IGSF9: variants seen among roughly 807,000 people sequenced by gnomAD.
The protein encoded by IGSF9 is protein turtle homolog A.
A neutral mutation model predicts 121.7 loss-of-function variants in IGSF9; 87 were observed. That is an observed-to-expected ratio of 0.71 (90% CI 0.60 to 0.85). The LOEUF is 0.85. IGSF9 is among the 40% of genes least tolerant of loss of function. IGSF9 has a pLI of 0.00. For synonymous variants in IGSF9, 640 were observed against 648.4 expected (o/e 0.99, Z 0.20); for missense variants, 1,462 against 1,565.3 (o/e 0.93, Z 1.11).
intron 1 of IGSF9, among the ~76,000 whole-genome samples, chr1:159,943,833 T>C (rs948221315): frequency 3.9e-5 from 6 of 151,984 alleles, no homozygotes; most frequent in African/African-American, 1.2e-4. Flanking sequence ...TGAATGCAGA[T>C]ACTAGAAAGG....
chr1:159,943,660 T>G lies in IGSF9; in HGVS notation c.-174-32A>C, dbSNP rs1651486152. ...GAAAAGTACAAGGCAACATGCAGAG[T>G]TGGCCAATACTGGAGCCCAGAAGAA... On this transcript the variant is annotated intron_variant, in intron 1 of 20. Coordinates refer to ENST00000368094, the MANE Select transcript of IGSF9 (RefSeq NM_001135050.2). The G allele has an allele frequency of 6.9e-6, 3 of 436,600 alleles. No homozygotes were observed. The South Asian group carries it at 2.3e-4, about 33-fold the overall frequency. 27.0% of individuals were successfully genotyped at this position (436,600 alleles called of 1,614,324 possible).
intron 6 of IGSF9, among the ~76,000 whole-genome samples, chr1:159,935,663 C>T (rs1405259302): frequency 2.0e-5 from 3 of 152,234 alleles, no homozygotes; most frequent in Admixed American, 1.3e-4. Context: ...ATGCGGGACA[C>T]TGAGTGCTAA....
intron 1 of IGSF9, among the ~76,000 whole-genome samples, chr1:159,944,430 C>T (rs577819318): frequency 3.3e-5 from 5 of 152,192 alleles, no homozygotes; most frequent in Non-Finnish European, 5.9e-5. Flanking sequence ...CACTTCCTCA[C>T]GATACTGCCA....
chr1:159,928,959 G>A lies in IGSF9; in HGVS notation c.2429C>T (p.Pro810Leu), dbSNP rs1351569905. Residue 810 changes from proline to leucine, a missense_variant, in exon 19 of 21, where the codon CCA (proline) becomes CTA (leucine). Pro to Leu is a moderately conservative substitution (Grantham distance 98, BLOSUM62 -3). This residue lies in a region of IGSF9 where 808 missense variants were observed against 815.2 expected (regional missense o/e 0.99). Transcript: ENST00000368094. ...CAGACTCTGGCGCAGGCTGGGGACT[G>A]GGGATCCCTGGAGCTTCAGCTTCGC... ...SVAKLKLQGSPVPSLRQSLLW... is the reference protein window; with the variant it reads ...SVAKLKLQGSLVPSLRQSLLW... The A allele has an allele frequency of 6.5e-7, 1 of 1,526,790 alleles. No individual in the cohort carries two copies. The highest frequency in any genetic ancestry group is 1.3e-5 in the South Asian group (1 of 76,422). The allele number at this position is 1,526,790 out of a possible 1,614,324, so 94.6% of individuals were successfully genotyped here. A position where few individuals can be genotyped will look rare whatever the true frequency, so the allele number is the denominator to read the frequency against.
chr1:159,928,725 C>A lies in IGSF9; in HGVS notation c.2663G>T (p.Ser888Ile). 3.4e-6 allele frequency: 5 copies of A among 1,476,792 alleles called. No individual in the cohort carries two copies. Among genetic ancestry groups the A allele is most frequent in the Non-Finnish European group, 4.5e-6 (5 of 1,112,000 alleles). 91.5% of individuals were successfully genotyped at this position (1,476,792 alleles called of 1,614,324 possible). A position where few individuals can be genotyped will look rare whatever the true frequency, so the allele number is the denominator to read the frequency against. ...CTGGGGTGCCCCACTGGGGCTGCTG[C>A]TGCTACAGTCAAAGGACCGGGCCAG... is the stretch of plus-strand genomic sequence containing the variant. Reference protein sequence around the residue: ...QRLARSFDCSSSSPSGAPQPL... With the variant: ...QRLARSFDCSISSPSGAPQPL... Residue 888 changes from serine (S) to isoleucine (I), a missense_variant, in exon 19 of 21, where the codon AGC (serine) becomes ATC (isoleucine). Physicochemically the swap from Ser to Ile is moderately radical, Grantham distance 142. This residue lies in a region of IGSF9 where 808 missense variants were observed against 815.2 expected (regional missense o/e 0.99). Transcript: ENST00000368094.
chr1:159,936,388 C>T lies in IGSF9; in HGVS notation c.673+11G>A. On this transcript the variant is annotated intron_variant, in intron 6 of 20. Transcript: ENST00000368094. ...GTAACCCTGGACCCCAGCCCTCCCG[C>T]CAGAGAGCACCTAGCACTAGCAGCT... 1 of 1,612,164 alleles carries T rather than the reference C, an allele frequency of 6.2e-7. No homozygotes were observed. Among genetic ancestry groups the T allele is most frequent in the Non-Finnish European group, 8.5e-7 (1 of 1,178,482 alleles).
Position 159,931,515 on chromosome 1 carries a change from C to T in IGSF9, c.1451G>A (p.Trp484Ter), listed in dbSNP as rs1452120092. 1 of 1,614,184 alleles carries T rather than the reference C, an allele frequency of 6.2e-7. No individual in the cohort carries two copies. Among genetic ancestry groups the T allele is most frequent in the Non-Finnish European group, 8.5e-7 (1 of 1,180,014 alleles). Residue 484 changes from tryptophan (W) to a stop codon, truncating the protein, a stop_gained, in exon 12 of 21, where the codon TGG becomes TAG. Coordinates refer to ENST00000368094, the MANE Select transcript of IGSF9 (RefSeq NM_001135050.2). LOFTEE classifies it high-confidence loss of function. The surrounding 1 kb of genome is among the most constrained non-coding windows in gnomAD (Gnocchi z 4.8). ...CACAGCATTGCTGGCACTGCATTCC[C>T]AGTGCCCGTGGGCCTCCTTGGTCAA... ...RPLTKEAHGHWECSASNAVAR... is the reference protein window; with the variant it reads ...RPLTKEAHGH
rs779432233 is a variant in IGSF9 at position 159,929,367 on chromosome 1, C to G, written c.2353G>C (p.Gly785Arg). The change falls in exon 18 of 21, where the codon GGG (glycine) becomes CGG (arginine). Residue 785 changes from glycine to arginine, a missense_variant. Physicochemically the swap from Gly to Arg is moderately radical, Grantham distance 125 (BLOSUM62 -2). Transcript: ENST00000368094. ...QDPPLIFSPTGKSAAPSALGS... is the reference protein window; with the variant it reads ...QDPPLIFSPTRKSAAPSALGS... ...GGCACTTACGGTGCAGCTGACTTCC[C>G]GGTCGGAGAGAAGATAAGAGGTGGA... 2.5e-6 allele frequency: 4 copies of G among 1,614,084 alleles called. No homozygotes were observed. Among genetic ancestry groups the G allele is most frequent in the Non-Finnish European group, 3.4e-6 (4 of 1,179,998 alleles).
At chr1:159,927,979 G>C in intron 19 of IGSF9, 92 bp from the exon 20 acceptor site, 1 of 1,517,238 alleles carries the variant, frequency 6.6e-7, no homozygotes, top group Non-Finnish European at 8.9e-7. Flanking sequence ...GCAAACTCAC[G>C]TTAGGTCATG....
intron 18 of IGSF9, 28 bp from the exon 19 acceptor site, chr1:159,929,046 G>C: frequency 1.3e-6 from 2 of 1,511,122 alleles, no homozygotes; most frequent in Non-Finnish European, 1.8e-6. Flanking sequence ...ATCAGGGTCT[G>C]TGGTAGGGGC....
In IGSF9 at chr1:159,939,861, C is replaced by T. The variant is rs181296200; in HGVS notation, c.248-2023G>A. 4.1e-4 allele frequency among the ~76,000 whole-genome samples: 63 copies of T among 152,192 alleles called. 2 individuals carry two copies. In the East Asian group the frequency reaches 0.011, roughly 26 times the overall value. On this transcript the variant is annotated intron_variant, in intron 3 of 20. Coordinates refer to ENST00000368094, the MANE Select transcript of IGSF9 (RefSeq NM_001135050.2). ...ACCCCGGAGATAAGACTAGGCCCAG[C>T]GGGTAAATATTTAACATCATCATAC... is the stretch of plus-strand genomic sequence containing the variant.
intron 3 of IGSF9, among the ~76,000 whole-genome samples, chr1:159,940,781 T>C (rs1053973631): frequency 2.0e-5 from 3 of 152,110 alleles, no homozygotes; most frequent in Admixed American, 2.0e-4. Context: ...CTGATTTTTA[T>C]CAAACAACTC....
At chr1:159,937,443 T>C (rs2101880601) in intron 4 of IGSF9, among the ~76,000 whole-genome samples, 1 of 151,996 alleles carries the variant, frequency 6.6e-6, no homozygotes, top group South Asian at 2.1e-4. Flanking sequence ...AAGAGGGAGT[T>C]CCTGACACCG....
At chr1:159,944,670 G>A (rs1651527222) in intron 1 of IGSF9, among the ~76,000 whole-genome samples, 1 of 152,118 alleles carries the variant, frequency 6.6e-6, no homozygotes, top group Admixed American at 6.5e-5. Context: ...GGCAGTCTCA[G>A]AGAGCCAGAG....
At position 159,934,396 on chromosome 1, in the gene IGSF9, G is replaced by A. The variant is rs367614709; in HGVS notation, c.961+29C>T. On this transcript the variant is annotated intron_variant, in intron 8 of 20. Transcript: ENST00000368094. ...GGCCTGGCCCAGGGGAAGGGAGCAG[G>A]CTGAGGGAGAAGCTGGGGTCAGGCT... The A allele has an allele frequency of 4.9e-5, 77 of 1,569,780 alleles. No homozygotes were observed. The Middle Eastern group carries it at 6.7e-4, about 14-fold the overall frequency.
chr1:159,941,098 C>G (rs1442749552), intron 3 of IGSF9, among the ~76,000 whole-genome samples: 2 of 148,160 alleles, frequency 1.3e-5, no homozygotes, highest in Non-Finnish European at 1.5e-5. Context: ...AATCCAGTCT[C>G]CTCTACTAGA....
chr1:159,929,556 A>C, intron 17 of IGSF9, 82 bp downstream of exon 17: 2 of 1,501,718 alleles, frequency 1.3e-6, no homozygotes, highest in Non-Finnish European at 1.8e-6. Context: ...CACAGGAGCG[A>C]GGGCTTTTCC....
At position 159,929,505 on chromosome 1, in the gene IGSF9, G is replaced by A. The variant is rs1650893176; in HGVS notation, c.2327-112C>T. The A allele has an allele frequency of 6.7e-6, 10 of 1,498,232 alleles. No individual in the cohort carries two copies. The East Asian group carries it at 2.1e-4, about 31-fold the overall frequency. 92.8% of individuals were successfully genotyped at this position (1,498,232 alleles called of 1,614,324 possible). ...ACCCCATCCGGCTGGGAAAAGCGTA[G>A]GCAGGACCAGATGCAGGACTAAGAG... On this transcript the variant is annotated intron_variant, in intron 17 of 20. Transcript: ENST00000368094.
At chr1:159,944,402 G>A (rs755405123) in intron 1 of IGSF9, among the ~76,000 whole-genome samples, 45 of 152,160 alleles carry the variant, frequency 3.0e-4, no homozygotes, top group East Asian at 5.8e-4. Flanking sequence ...GACAGGTCCC[G>A]GGGCTGGCAG....
Sources: allele counts gnomAD v4.1 joint callset (sites outside exome capture counted in the v4.1 genomes callset), GRCh38; gene constraint gnomAD v4.1.1; regional missense constraint gnomAD v4.1.1; non-coding constraint Gnocchi (gnomAD v3.1); transcripts MANE v1.5; gene names NCBI Gene and HGNC (gene_info 2026-07-23, HGNC 2026-07-21).